The following METTL25 variants were observed in gnomAD, a reference collection of about 807,000 sequenced individuals.
The protein encoded by METTL25 is methyltransferase like 25.
A neutral mutation model predicts 71.6 loss-of-function variants in METTL25; 64 were observed. The ratio of observed to expected loss-of-function variants is 0.89; its 90% CI spans 0.73 to 1.10. METTL25 has a LOEUF of 1.10. METTL25 is among the 50% of genes least tolerant of loss of function. The pLI is 0.00. For missense variants in METTL25, 807 were observed against 707.0 expected, an observed-to-expected ratio of 1.14 and a Z score of -1.60; for synonymous variants, 287 against 250.3, an observed-to-expected ratio of 1.15 and a Z score of -1.38.
intron 8 of METTL25, among the ~76,000 whole-genome samples, chr12:82,443,653 A>G (rs1890526540): frequency 6.6e-6 from 1 of 152,184 alleles, no homozygotes; most frequent in Non-Finnish European, 1.5e-5. Flanking sequence ...AATGGTCCCA[A>G]CATCTCCTTG....
At chr12:82,400,353 A>G (rs570283281) in intron 4 of METTL25, among the ~76,000 whole-genome samples, 1 of 151,742 alleles carries the variant, frequency 6.6e-6, no homozygotes, top group African/African-American at 2.4e-5. Context: ...AAAAAAAGAA[A>G]AAAAGAAATG....
At chr12:82,458,945 C>T (rs1185543374) in intron 9 of METTL25, among the ~76,000 whole-genome samples, 2 of 152,180 alleles carry the variant, frequency 1.3e-5, no homozygotes, top group African/African-American at 2.4e-5. Context: ...TACAGAGACA[C>T]AGGCTCACTA....
intron 2 of METTL25, 147 bp from the exon 3 acceptor site, chr12:82,389,669 G>A: frequency 4.7e-6 from 2 of 425,012 alleles, no homozygotes; most frequent in Non-Finnish European, 8.5e-6. Flanking sequence ...TATTTATAGT[G>A]GCTAAGCTAG....
At chr12:82,362,228 C>A (rs981974549) in intron 1 of METTL25, among the ~76,000 whole-genome samples, 14 of 152,102 alleles carry the variant, frequency 9.2e-5, no homozygotes, top group African/African-American at 2.9e-4. Context: ...ATATTTAATT[C>A]TCTAAAATAA....
chr12:82,478,978 A>G lies in METTL25; in HGVS notation c.1766A>G (p.Lys589Arg). ...SALVKLFDPV[K>R]SPRCYAVIAL... ...CTTGTGAAGTTGTTTGATCCCGTGAAATCTCCCAGATGTTATGCTGTTATT... is the reference window on the plus strand; with the variant it reads ...CTTGTGAAGTTGTTTGATCCCGTGAGATCTCCCAGATGTTATGCTGTTATT... The change falls in exon 12 of 12, where the codon AAA (lysine) becomes AGA (arginine). Residue 589 changes from lysine to arginine, a missense_variant. Physicochemically the swap from Lys to Arg is conservative, Grantham distance 26. Transcript: ENST00000248306. 6.2e-7 allele frequency: 1 copy of G among 1,612,840 alleles called. No individual in the cohort carries two copies. The highest frequency in any genetic ancestry group is 1.1e-5 in the South Asian group (1 of 91,030).
intron 8 of METTL25, among the ~76,000 whole-genome samples, chr12:82,440,315 C>T (rs893780820): frequency 6.6e-6 from 1 of 151,920 alleles, no homozygotes; most frequent in Non-Finnish European, 1.5e-5. Context: ...AGTCCACATC[C>T]ACTTTCTCAT....
intron 8 of METTL25, among the ~76,000 whole-genome samples, chr12:82,444,103 A>C (rs1268267355): frequency 6.6e-6 from 1 of 152,198 alleles, no homozygotes; most frequent in Non-Finnish European, 1.5e-5. Context: ...TTTGCACTCA[A>C]CCCAAATAAG....
At chr12:82,360,072 A>G (rs550117770) in intron 1 of METTL25, among the ~76,000 whole-genome samples, 1 of 152,328 alleles carries the variant, frequency 6.6e-6, no homozygotes, top group Middle Eastern at 3.4e-3. Flanking sequence ...TTGGTAAAAT[A>G]CTTGGCATAC....
At chr12:82,385,634 C>T (rs1276545746) in intron 1 of METTL25, among the ~76,000 whole-genome samples, 1 of 152,114 alleles carries the variant, frequency 6.6e-6, no homozygotes, top group Non-Finnish European at 1.5e-5. Context: ...TAAAAATGGC[C>T]ATAGAACAAT....
intron 9 of METTL25, among the ~76,000 whole-genome samples, chr12:82,465,666 C>A (rs1300593790): frequency 6.6e-6 from 1 of 151,870 alleles, no homozygotes; most frequent in African/African-American, 2.4e-5. Context: ...GCAATAGTTT[C>A]AAATGAATTG....
rs1404079630 is a variant in METTL25 at position 82,379,032 on chromosome 12, A to G, written c.260-7771A>G. On this transcript the variant is annotated intron_variant, in intron 1 of 11. Coordinates refer to ENST00000248306, the MANE Select transcript of METTL25 (RefSeq NM_032230.3). ...GGGCAACAGAGTGAGACCTTTTCTC[A>G]AAAGACAACAACAGCAACAATAATA... Among the ~76,000 whole-genome samples, 3 of 152,040 alleles carry G rather than the reference A, an allele frequency of 2.0e-5. No individual in the cohort carries two copies. In the East Asian group the frequency reaches 5.8e-4, roughly 29 times the overall value.
At chr12:82,420,319 A>G (rs1328574524) in intron 5 of METTL25, among the ~76,000 whole-genome samples, 2 of 152,190 alleles carry the variant, frequency 1.3e-5, no homozygotes, top group African/African-American at 4.8e-5. Context: ...AAAAATTCCT[A>G]AAAGGGTGTA....
rs199611004 is a variant in METTL25, at chr12:82,450,948, CA to C, written c.1479-5778del. On this transcript the variant is annotated intron_variant, in intron 8 of 11. Transcript: ENST00000248306. ...ATATCTGCTTTCTCTCCTCTATCACCAGGTTTTCATCAGCTCTTACTATCTA... is the reference window on the plus strand; with the variant it reads ...ATATCTGCTTTCTCTCCTCTATCACCGGTTTTCATCAGCTCTTACTATCTA... Among the ~76,000 whole-genome samples the C allele has an allele frequency of 9.7e-3, 1,480 of 152,168 alleles. 21 individuals are homozygous for C. Among genetic ancestry groups the C allele is most frequent in the African/African-American group, 0.034 (1,398 of 41,544 alleles).
At chr12:82,452,200 C>A (rs12371784) in intron 8 of METTL25, among the ~76,000 whole-genome samples, 2 of 152,230 alleles carry the variant, frequency 1.3e-5, no homozygotes, top group South Asian at 4.1e-4. Flanking sequence ...TTTTATAGCG[C>A]GTTCTCTTAT....
In METTL25 at chr12:82,398,924, A is replaced by C; in HGVS notation, c.661A>C (p.Lys221Gln). The C allele has an allele frequency of 6.2e-7, 1 of 1,612,712 alleles. No individual in the cohort carries two copies. Among genetic ancestry groups the C allele is most frequent in the East Asian group, 2.2e-5 (1 of 44,756 alleles). The change falls in exon 4 of 12, where the codon AAG becomes CAG. Residue 221 changes from lysine to glutamine, a missense_variant. By Grantham distance (53) the Lys-to-Gln change is moderately conservative. Coordinates refer to ENST00000248306, the MANE Select transcript of METTL25 (RefSeq NM_032230.3). ...HGAEERNRKL[K>Q]KHWKLCHAQS... ...AGCTGAGGAGAGAAACAGAAAATTG[A>C]AGAAACATTGGAAACTCTGTCATGC...
chr12:82,443,555 A>G (rs575804944), intron 8 of METTL25, among the ~76,000 whole-genome samples: 2 of 152,084 alleles, frequency 1.3e-5, no homozygotes, highest in Admixed American at 6.6e-5. Context: ...GTCCATTTCT[A>G]TGTGGCTATA....
intron 3 of METTL25, among the ~76,000 whole-genome samples, chr12:82,391,538 A>G (rs1323581641): frequency 8.5e-5 from 1 of 11,768 alleles, no homozygotes; most frequent in Non-Finnish European, 1.6e-4. Context: ...TTTTGTTAGT[A>G]TATGTGTGTG....
chr12:82,399,011 A>G lies in METTL25; in HGVS notation c.748A>G (p.Asn250Asp). The G allele has an allele frequency of 6.2e-7, 1 of 1,609,444 alleles. No individual in the cohort carries two copies. The highest frequency in any genetic ancestry group is 8.5e-7 in the Non-Finnish European group (1 of 1,178,084). ...LKMAKERKVQ[N>D]KVKNKADTEE... ...AATGGCAAAAGAAAGGAAAGTGCAAAATAAAGTTAAAAATAAAGCTGATAC... is the reference window on the plus strand; with the variant it reads ...AATGGCAAAAGAAAGGAAAGTGCAAGATAAAGTTAAAAATAAAGCTGATAC... Residue 250 changes from asparagine (N) to aspartate (D), a missense_variant, in exon 4 of 12, where the codon AAT (asparagine) becomes GAT (aspartate). By Grantham distance (23) the Asn-to-Asp change is conservative. Transcript: ENST00000248306.
chr12:82,414,675 C>A (rs1337602085), intron 5 of METTL25, among the ~76,000 whole-genome samples: 2 of 151,986 alleles, frequency 1.3e-5, no homozygotes, highest in Admixed American at 6.6e-5. Context: ...AATATGAAAG[C>A]AAAGTTGACA....
Sources: gnomAD v4.1 joint callset for allele counts (sites outside exome capture counted in the v4.1 genomes callset) on GRCh38, gnomAD v4.1.1 for gene constraint, MANE v1.5 for transcripts, NCBI Gene and HGNC (gene_info 2026-07-23, HGNC 2026-07-21) for gene names.